The following MED12L variants were observed in gnomAD, a reference collection of about 807,000 sequenced individuals.
MED12L encodes the protein mediator complex subunit 12L.
In MED12L, 60 loss-of-function variants were observed where a neutral mutation model predicts 281.3. The ratio of observed to expected loss-of-function variants is 0.21; its 90% CI spans 0.17 to 0.26. The LOEUF (loss-of-function observed/expected upper bound fraction) is 0.26, where lower values mean the gene tolerates loss of function less well. Ranked by LOEUF, MED12L falls within the 10% of genes least tolerant of loss-of-function variation. The probability of loss-of-function intolerance (pLI) is 1.00; values close to 1 mark genes in which losing one functional copy is unlikely to be tolerated. For synonymous variants in MED12L, 974 were observed against 987.2 expected (o/e 0.99, Z 0.25); for missense variants, 2,146 against 2,680.9 (o/e 0.80, Z 4.41).
chr3:151,316,044 T>C (rs1748192688), intron 16 of MED12L, among the ~76,000 whole-genome samples: 1 of 152,192 alleles, frequency 6.6e-6, no homozygotes. Flanking sequence ...TGTTTGTCAG[T>C]CACTGGGCAG....
chr3:151,207,515 G>A (rs528524463), intron 16 of MED12L, among the ~76,000 whole-genome samples: 17 of 150,770 alleles, frequency 1.1e-4, no homozygotes, highest in Non-Finnish European at 1.8e-4. Context: ...GGACTGTCAG[G>A]CAATTTGGGG....
chr3:151,207,211 C>T (rs538517657), intron 16 of MED12L, among the ~76,000 whole-genome samples: 1 of 152,252 alleles, frequency 6.6e-6, no homozygotes, highest in Non-Finnish European at 1.5e-5. Flanking sequence ...GGGCACAACA[C>T]TGCACCCAGC....
chr3:151,137,355 A>C (rs1716303836), intron 5 of MED12L, among the ~76,000 whole-genome samples: 1 of 152,170 alleles, frequency 6.6e-6, no homozygotes, highest in Admixed American at 6.5e-5. Context: ...ACCATTTGTC[A>C]TGGGACATCT....
rs1454772655 is a variant in MED12L, at chr3:151,131,857, AT to A, written c.556+3878del. On this transcript the variant is annotated intron_variant, in intron 5 of 44. Transcript: ENST00000687756. Reference sequence around the variant, plus strand: ...ATGGCTGGTTGGACTTTGGAGGGTTATTTTTCTCCCCACCAAAAAGTTAAAA... The same window carrying A: ...ATGGCTGGTTGGACTTTGGAGGGTTATTTTCTCCCCACCAAAAAGTTAAAA... Among the ~76,000 whole-genome samples the A allele has an allele frequency of 2.0e-5, 3 of 151,780 alleles. No individual in the cohort carries two copies. The East Asian group carries it at 5.9e-4, about 30-fold the overall frequency.
At chr3:151,198,544 A>C in intron 16 of MED12L, 3 of 1,614,054 alleles carry the variant, frequency 1.9e-6, no homozygotes, top group Non-Finnish European at 2.5e-6. Flanking sequence ...ACAGGATAGG[A>C]TCAAAGCACA....
chr3:151,271,918 G>A (rs1296835318), intron 16 of MED12L, among the ~76,000 whole-genome samples: 2 of 152,128 alleles, frequency 1.3e-5, no homozygotes, highest in Non-Finnish European at 2.9e-5. Context: ...TATCTTAATT[G>A]GGGTGGTGAT....
intron 4 of MED12L, among the ~76,000 whole-genome samples, chr3:151,124,674 A>T (rs1714242340): frequency 6.6e-6 from 1 of 152,210 alleles, no homozygotes; most frequent in African/African-American, 2.4e-5. Flanking sequence ...CCTTGAGTTC[A>T]TAATAGTTTC....
chr3:151,389,960 A>C lies in MED12L; in HGVS notation c.5452-19A>C. 1 of 1,612,566 alleles carries C rather than the reference A, an allele frequency of 6.2e-7. No homozygotes were observed. The highest frequency in any genetic ancestry group is 8.5e-7 in the Non-Finnish European group (1 of 1,178,862). On this transcript the variant is annotated intron_variant, in intron 37 of 44. Transcript: ENST00000687756. ...GATATGTGGAGTTACGTAACTTTTT[A>C]AAAAACTTTATGTTGAAGGAATATC...
intron 16 of MED12L, among the ~76,000 whole-genome samples, chr3:151,306,889 T>C (rs935189568): frequency 2.6e-5 from 4 of 152,228 alleles, no homozygotes; most frequent in Admixed American, 1.3e-4. Context: ...ATGACAGAGT[T>C]ATAATATCAA....
At chr3:151,139,642 G>C (rs896416137) in intron 5 of MED12L, among the ~76,000 whole-genome samples, 1 of 152,188 alleles carries the variant, frequency 6.6e-6, no homozygotes, top group Non-Finnish European at 1.5e-5. Context: ...GGAGAAATAT[G>C]TAAGCAAGGT....
chr3:151,328,164 C>T lies in MED12L; in HGVS notation c.2251-21895C>T, dbSNP rs148292157. On this transcript the variant is annotated intron_variant, in intron 16 of 44. Coordinates refer to ENST00000687756, the MANE Select transcript of MED12L (RefSeq NM_001393769.1). ...GCCAAAAAGAGAGTTGTTTCTTTAGCAATAAACAGTTGATTTTGCAGTCTA... is the reference window on the plus strand; with the variant it reads ...GCCAAAAAGAGAGTTGTTTCTTTAGTAATAAACAGTTGATTTTGCAGTCTA... The T allele has an allele frequency of 7.4e-6, 12 of 1,612,746 alleles. No homozygotes were observed. In the African/African-American group the frequency reaches 1.5e-4, roughly 20 times the overall value.
chr3:151,293,792 T>C (rs1291481055), intron 16 of MED12L, among the ~76,000 whole-genome samples: 1 of 152,174 alleles, frequency 6.6e-6, no homozygotes, highest in Admixed American at 6.5e-5. Context: ...TGGAAAGTAG[T>C]AGTTTCTTTT....
chr3:151,172,870 C>G (rs1721602429), intron 11 of MED12L, among the ~76,000 whole-genome samples: 1 of 152,176 alleles, frequency 6.6e-6, no homozygotes, highest in African/African-American at 2.4e-5. Context: ...ACTGGACACC[C>G]AAAGGAAGCG....
chr3:151,313,574 G>T (rs910629432), intron 16 of MED12L, among the ~76,000 whole-genome samples: 2 of 151,838 alleles, frequency 1.3e-5, no homozygotes, highest in Non-Finnish European at 2.9e-5. Context: ...GGCCAGGTGC[G>T]GTGGCTCACA....
chr3:151,250,733 A>G lies in MED12L; in HGVS notation c.2250+57067A>G, dbSNP rs553239820. The stretch of plus-strand genomic sequence containing the variant: ...GAACAATGCTGCTATGAAAGTGGGT[A>G]TACAAATATCTGCTTAAGACCCTAC... On this transcript the variant is annotated intron_variant, in intron 16 of 44. Transcript: ENST00000687756. 4.5e-4 allele frequency among the ~76,000 whole-genome samples: 68 copies of G among 152,322 alleles called. 3 individuals carry two copies. The South Asian group carries it at 0.01, about 23-fold the overall frequency.
chr3:151,195,891 T>G (rs145074703), intron 16 of MED12L, among the ~76,000 whole-genome samples: 4 of 152,306 alleles, frequency 2.6e-5, no homozygotes, highest in African/African-American at 9.6e-5. Flanking sequence ...ATAAAAAGTT[T>G]ATTTAAAAGA....
chr3:151,300,007 A>G, intron 16 of MED12L: 1 of 1,125,752 alleles, frequency 8.9e-7, no homozygotes, highest in Non-Finnish European at 1.4e-6. Flanking sequence ...ATTCCCAAAC[A>G]GTGGAAATAA....
intron 2 of MED12L, among the ~76,000 whole-genome samples, chr3:151,103,858 A>T (rs140455477): frequency 6.6e-6 from 1 of 152,102 alleles, no homozygotes; most frequent in Admixed American, 6.5e-5. Context: ...TGCTTCTCAT[A>T]TGGCCACCTA....
intron 16 of MED12L, among the ~76,000 whole-genome samples, chr3:151,342,894 A>G (rs1352756172): frequency 6.6e-6 from 1 of 152,170 alleles, no homozygotes; most frequent in Non-Finnish European, 1.5e-5. Flanking sequence ...CACTTTATTA[A>G]TAATCTCAAC....
Sources: allele counts gnomAD v4.1 joint callset (sites outside exome capture counted in the v4.1 genomes callset), GRCh38; gene constraint gnomAD v4.1.1; transcripts MANE v1.5; gene names NCBI Gene and HGNC (gene_info 2026-07-23, HGNC 2026-07-21).